The following PCSK7 variants were observed in gnomAD, a reference collection of about 807,000 sequenced individuals.
PCSK7 encodes lymphoma proprotein convertase.
A neutral mutation model predicts 73.3 loss-of-function variants in PCSK7; 38 were observed. That is an observed-to-expected ratio of 0.52 (90% CI 0.40 to 0.68). PCSK7 has a LOEUF of 0.68. Among genes scored for constraint, PCSK7 ranks in the 30% least tolerant of loss-of-function variants. The pLI, the probability that PCSK7 is intolerant of heterozygous loss-of-function variation, is 0.00. For missense variants in PCSK7, 692 were observed against 991.5 expected (o/e 0.70, Z 4.06); for synonymous variants, 296 against 383.8 (o/e 0.77, Z 2.68).
intron 12 of PCSK7, chr11:117,216,185 G>A (rs954010328): frequency 1.3e-5 from 2 of 152,162 alleles, no homozygotes; most frequent in African/African-American, 4.8e-5. Context: ...AGTGACCACT[G>A]AACTGAGCAG....
At chr11:117,227,629 G>T (rs1182595164) in intron 4 of PCSK7, among the ~76,000 whole-genome samples, 1 of 152,154 alleles carries the variant, frequency 6.6e-6, no homozygotes, top group Non-Finnish European at 1.5e-5. Flanking sequence ...TTTTAGTAGA[G>T]ACGGGGTTTC....
Position 117,219,127 on chromosome 11 carries a change from G to A in PCSK7, c.1361C>T (p.Ala454Val), listed in dbSNP as rs1237258162. Residue 454 changes from alanine to valine, a missense_variant, in exon 11 of 17, where the codon GCA (alanine) becomes GTA (valine). Coordinates refer to ENST00000320934, the MANE Select transcript of PCSK7 (RefSeq NM_004716.4). ...GTGCTGGTGGCTATGGCTGAAGCCT[G>A]CCTCGTTGGTGACCCACTCTGCACG... ...DRRAEWVTNEAGFSHSHQHGF... is the reference protein window; with the variant it reads ...DRRAEWVTNEVGFSHSHQHGF... The A allele has an allele frequency of 1.2e-6, 2 of 1,611,142 alleles. No individual in the cohort carries two copies. The highest frequency in any genetic ancestry group is 1.3e-5 in the African/African-American group (1 of 74,936).
chr11:117,218,496 A>G lies in PCSK7; in HGVS notation c.1504T>C (p.Ser502Pro). The change falls in exon 12 of 17, where the codon TCC becomes CCC. Residue 502 changes from serine to proline, a missense_variant. Around this residue, in one of 6 missense-constraint regions of PCSK7, gnomAD observed 574 missense variants for 689.8 expected, o/e 0.83. Coordinates refer to ENST00000320934, the MANE Select transcript of PCSK7 (RefSeq NM_004716.4). This position sits in a 1 kb window ranked among gnomAD's most constrained non-coding sequence, Gnocchi z 4.0. ...CACAGGACCTCCAGGGAACGGGGGGACTGCGGAATCGCCTTGTTTTCTTTT... is the reference window on the plus strand; with the variant it reads ...CACAGGACCTCCAGGGAACGGGGGGGCTGCGGAATCGCCTTGTTTTCTTTT... ...VLKENKAIPQ[S>P]PRSLEVLWNV... The G allele has an allele frequency of 1.9e-6, 3 of 1,607,440 alleles. No individual in the cohort carries two copies. The highest frequency in any genetic ancestry group is 1.7e-6 in the Non-Finnish European group (2 of 1,176,376).
chr11:117,225,610 G>T (rs7939287), intron 6 of PCSK7: 2 of 365,020 alleles, frequency 5.5e-6, no homozygotes, highest in Non-Finnish European at 1.0e-5. Flanking sequence ...TGGGGTGGGG[G>T]ATTGGTGTTG....
intron 12 of PCSK7, chr11:117,215,066 A>G (rs1300279095): frequency 6.6e-6 from 1 of 152,200 alleles, no homozygotes; most frequent in East Asian, 1.9e-4. Context: ...ACCTCCTGTC[A>G]GCGGGGAGAG....
At chr11:117,226,166 C>T (rs1373863318) in intron 5 of PCSK7, 145 bp from the exon 6 acceptor site, 1 of 615,822 alleles carries the variant, frequency 1.6e-6, no homozygotes, top group Non-Finnish European at 2.9e-6. Context: ...GAGATAAAGT[C>T]TTACTTGTCA....
At chr11:117,224,988 A>G (rs1252700818) in intron 6 of PCSK7, 4 of 510,710 alleles carry the variant, frequency 7.8e-6, no homozygotes, top group Non-Finnish European at 1.4e-5. Flanking sequence ...ATGTCCCCAT[A>G]GCCCATAGTG....
At chr11:117,215,380 G>GTGTGTGTGTGTGTGTGTGTATA (rs1164738557) in intron 12 of PCSK7, 3 of 55,898 alleles carry the variant, frequency 5.4e-5, no homozygotes, top group Admixed American at 4.1e-4. Context: ...GTGTGTGTGT[G>GTGTGTGTGTGTGTGTGTGTATA]TATATATATA....
At chr11:117,223,118 A>T in intron 9 of PCSK7, 90 bp downstream of exon 9, 2 of 811,024 alleles carry the variant, frequency 2.5e-6, no homozygotes, top group East Asian at 2.4e-5. Context: ...TGGGGCGGGG[A>T]AGCAGGGAAC....
At position 117,218,758 on chromosome 11, in the gene PCSK7, A is replaced by T. The variant is rs1283523579; in HGVS notation, c.1432-190T>A. On this transcript the variant is annotated intron_variant, in intron 11 of 16. Transcript: ENST00000320934. This position sits in a 1 kb window ranked among gnomAD's most constrained non-coding sequence, Gnocchi z 4.0. ...GGAATGCTCCGTACAGCCCCCAGCT[A>T]AGGAACCAGAGGAAACAGCTGTGTC... 6 of 566,936 alleles carry T rather than the reference A, an allele frequency of 1.1e-5. No individual in the cohort carries two copies. The African/African-American group carries it at 1.1e-4, about 11-fold the overall frequency. 35.1% of individuals were successfully genotyped at this position (566,936 alleles called of 1,614,324 possible). A position where few individuals can be genotyped will look rare whatever the true frequency, so the allele number is the denominator to read the frequency against.
At position 117,218,569 on chromosome 11, in the gene PCSK7, C is replaced by A; in HGVS notation, c.1432-1G>T. On this transcript the variant is annotated splice_acceptor_variant, in intron 11 of 16. Transcript: ENST00000320934. LOFTEE classifies it high-confidence loss of function. This position sits in a 1 kb window ranked among gnomAD's most constrained non-coding sequence, Gnocchi z 4.0. ...CTAAGTAAGGGACAGATGTCCAGATCTATGAAAGGAAAGGAGGGGATGGCA... is the reference window on the plus strand; with the variant it reads ...CTAAGTAAGGGACAGATGTCCAGATATATGAAAGGAAAGGAGGGGATGGCA... 6.4e-7 allele frequency: 1 copy of A among 1,561,404 alleles called. No homozygotes were observed. The highest frequency in any genetic ancestry group is 1.4e-5 in the African/African-American group (1 of 73,130).
Position 117,219,753 on chromosome 11 carries a change from G to A in PCSK7, c.1161C>T (p.Thr387=). 2 of 1,574,584 alleles carry A rather than the reference G, an allele frequency of 1.3e-6. No individual in the cohort carries two copies. The highest frequency in any genetic ancestry group is 1.7e-6 in the Non-Finnish European group (2 of 1,161,140). The part of the protein sequence containing the change: ...GGDKMLRSIV[T]TDWDLQKGTG... ...TGCCCTTCTGAAGGTCCCAGTCAGT[G>A]GTCACCTGGAAGTGAAACAGGAAAA... Residue 387 remains threonine (T), a synonymous_variant, in exon 10 of 17, where the codon ACC becomes ACT. Coordinates refer to ENST00000320934, the MANE Select transcript of PCSK7 (RefSeq NM_004716.4).
chr11:117,210,417 G>C (rs2031676968), intron 12 of PCSK7: 1 of 147,976 alleles, frequency 6.8e-6, no homozygotes, highest in African/African-American at 2.5e-5. Context: ...GGAGTGCAGT[G>C]GCATGATCTT....
Position 117,204,727 on chromosome 11 carries a change from A to C in PCSK7, c.*1270T>G. The C allele has an allele frequency of 3.3e-6, 1 of 300,808 alleles. No individual in the cohort carries two copies. The highest frequency in any genetic ancestry group is 6.3e-6 in the Non-Finnish European group (1 of 157,802). 18.6% of individuals were successfully genotyped at this position (300,808 alleles called of 1,614,324 possible). A position where few individuals can be genotyped will look rare whatever the true frequency, so the allele number is the denominator to read the frequency against. ...GAAGAACCAGCCCAGCCTGCCCCCT[A>C]TCTTGTCCTGGAATATTTTTGGGGT... On this transcript the variant is annotated 3_prime_UTR_variant, in exon 17 of 17. Coordinates refer to ENST00000320934, the MANE Select transcript of PCSK7 (RefSeq NM_004716.4).
Position 117,218,589 on chromosome 11 carries a change from A to C in PCSK7, c.1432-21T>G. On this transcript the variant is annotated intron_variant, in intron 11 of 16. Transcript: ENST00000320934. This position sits in a 1 kb window ranked among gnomAD's most constrained non-coding sequence, Gnocchi z 4.0. ...CAGATCTATGAAAGGAAAGGAGGGG[A>C]TGGCAAATCAACAAACAAGAATGAT... is the stretch of plus-strand genomic sequence containing the variant. The C allele has an allele frequency of 7.4e-7, 1 of 1,352,580 alleles. No individual in the cohort carries two copies. The highest frequency in any genetic ancestry group is 1.0e-6 in the Non-Finnish European group (1 of 958,648). 83.8% of individuals were successfully genotyped at this position (1,352,580 alleles called of 1,614,324 possible).
chr11:117,223,356 G>A (rs1429077804), intron 8 of PCSK7, 48 bp from the exon 9 acceptor site: 15 of 1,140,858 alleles, frequency 1.3e-5, no homozygotes, highest in Non-Finnish European at 1.9e-5. Context: ...AGGGGGTCCT[G>A]TGGCAGGGGC....
intron 12 of PCSK7, chr11:117,215,042 C>A (rs1382658492): frequency 6.6e-6 from 1 of 152,158 alleles, no homozygotes; most frequent in African/African-American, 2.4e-5. Flanking sequence ...GGCCCCAATC[C>A]CCTCTCCCTC....
In PCSK7 at chr11:117,227,173, G is replaced by A. The variant is rs200358550; in HGVS notation, c.753C>T (p.Tyr251=). Residue 251 remains tyrosine (Y), a synonymous_variant, in exon 5 of 17, where the codon TAC becomes TAT. Coordinates refer to ENST00000320934, the MANE Select transcript of PCSK7 (RefSeq NM_004716.4). ...ACAAGTTACCTGCGATGCGGCTCCCGTAGGCCACGCCCACGGCACAGAAGC... is the reference window on the plus strand; with the variant it reads ...ACAAGTTACCTGCGATGCGGCTCCCATAGGCCACGCCCACGGCACAGAAGC... ...NNSFCAVGVA[Y]GSRIAGIRVL... The A allele has an allele frequency of 4.2e-5, 67 of 1,606,582 alleles. No homozygotes were observed. The highest frequency in any genetic ancestry group is 5.5e-5 in the Non-Finnish European group (65 of 1,176,216).
chr11:117,222,957 C>A, intron 9 of PCSK7: 1 of 466,622 alleles, frequency 2.1e-6, no homozygotes, highest in Non-Finnish European at 3.9e-6. Context: ...CCATGTGACA[C>A]TTAGTTTCTA....
Sources: gnomAD v4.1 joint callset for allele counts (sites outside exome capture counted in the v4.1 genomes callset) on GRCh38, gnomAD v4.1.1 for gene constraint, gnomAD v4.1.1 regional missense constraint, Gnocchi (gnomAD v3.1) non-coding constraint, MANE v1.5 for transcripts, NCBI Gene and HGNC (gene_info 2026-07-23, HGNC 2026-07-21) for gene names.